AUTS2: variants seen among roughly 807,000 people sequenced by gnomAD.
AUTS2 encodes autism susceptibility gene 2 protein.
Under a neutral mutation model 112.4 loss-of-function variants are expected in AUTS2, and 17 were observed. The observed-to-expected ratio is 0.15, with a 90% CI of 0.10 to 0.23. The LOEUF (loss-of-function observed/expected upper bound fraction) is 0.23. Ranked by LOEUF, AUTS2 falls within the 10% of genes least tolerant of loss-of-function variation. The pLI, the probability that AUTS2 is intolerant of heterozygous loss-of-function variation, is 1.00. For synonymous variants in AUTS2, 751 were observed against 702.7 expected (o/e 1.07, Z -1.09); for missense variants, 1,510 against 1,701.6 (o/e 0.89, Z 1.98).
chr7:70,689,021 TAAC>T (rs1808610678), intron 5 of AUTS2, among the ~76,000 whole-genome samples: 1 of 152,176 alleles, frequency 6.6e-6, no homozygotes, highest in Admixed American at 6.5e-5. Context: ...CAGGCTTTTA[TAAC>T]ATTTTGCTGG....
intron 2 of AUTS2, among the ~76,000 whole-genome samples, chr7:69,968,538 C>T (rs1207926056): frequency 6.6e-6 from 1 of 152,148 alleles, no homozygotes; most frequent in East Asian, 1.9e-4. Context: ...AATGAGGTTT[C>T]CAGGAGAGGA....
intron 4 of AUTS2, among the ~76,000 whole-genome samples, chr7:70,368,670 A>G (rs2129629606): frequency 6.6e-6 from 1 of 152,350 alleles, no homozygotes; most frequent in Non-Finnish European, 1.5e-5. Context: ...GTCATCATAG[A>G]GCAGTCACAT....
intron 1 of AUTS2, among the ~76,000 whole-genome samples, chr7:69,731,207 G>C (rs149636622): frequency 1.3e-5 from 2 of 152,114 alleles, no homozygotes; most frequent in Non-Finnish European, 2.9e-5. Flanking sequence ...TAGAAGGATC[G>C]CTTGAGCCTG....
At chr7:69,915,003 C>T (rs1795516813) in intron 2 of AUTS2, among the ~76,000 whole-genome samples, 1 of 152,152 alleles carries the variant, frequency 6.6e-6, no homozygotes, top group African/African-American at 2.4e-5. Flanking sequence ...GAAACTCTGA[C>T]ATAACAGGGA....
At chr7:70,062,987 G>GC (rs1460492857) in intron 2 of AUTS2, among the ~76,000 whole-genome samples, 1 of 152,178 alleles carries the variant, frequency 6.6e-6, no homozygotes, top group Non-Finnish European at 1.5e-5. Context: ...AAGGCCAGGT[G>GC]CTTTTGCATG....
intron 1 of AUTS2, among the ~76,000 whole-genome samples, chr7:69,798,611 T>C (rs1482482892): frequency 1.3e-5 from 2 of 152,150 alleles, no homozygotes; most frequent in Admixed American, 6.5e-5. Flanking sequence ...AAGTTAAAAA[T>C]GTGGAGAAAA....
At chr7:70,500,184 A>C (rs1798716553) in intron 5 of AUTS2, among the ~76,000 whole-genome samples, 2 of 151,836 alleles carry the variant, frequency 1.3e-5, no homozygotes, top group African/African-American at 4.8e-5. Flanking sequence ...AAAAAAAAAA[A>C]AAACAAAACA....
chr7:70,490,245 T>C (rs1798179127), intron 5 of AUTS2, among the ~76,000 whole-genome samples: 1 of 151,736 alleles, frequency 6.6e-6, no homozygotes, highest in African/African-American at 2.4e-5. Flanking sequence ...TTGAAAAGAT[T>C]AACAAAATTG....
At chr7:70,479,938 AT>A (rs1399899724) in intron 5 of AUTS2, among the ~76,000 whole-genome samples, 2 of 152,168 alleles carry the variant, frequency 1.3e-5, no homozygotes, top group Non-Finnish European at 2.9e-5. Flanking sequence ...AATAGCTTAC[AT>A]TTTTTTAGGT....
At chr7:70,088,359 C>G (rs550950906) in intron 2 of AUTS2, among the ~76,000 whole-genome samples, 1 of 151,938 alleles carries the variant, frequency 6.6e-6, no homozygotes, top group South Asian at 2.1e-4. Flanking sequence ...GATTTCCTGA[C>G]CTCGTGATCT....
At chr7:70,527,921 G>A (rs1799911302) in intron 5 of AUTS2, among the ~76,000 whole-genome samples, 1 of 152,132 alleles carries the variant, frequency 6.6e-6, no homozygotes, top group Non-Finnish European at 1.5e-5. Context: ...TTGGGGCCTG[G>A]AGTTTAGTTT....
In AUTS2 at chr7:70,763,937, T is replaced by C. The variant is rs111664945; in HGVS notation, c.1214+596T>C. On this transcript the variant is annotated intron_variant, in intron 7 of 18. Transcript: ENST00000342771. ...ATGGAAATCCAGGCTCTCTCCTCTG[T>C]CTTGTTTTTGCCAAGTTACAAAGAA... Among the ~76,000 whole-genome samples the C allele has an allele frequency of 2.3e-3, 346 of 152,290 alleles. 2 individuals are homozygous for C. The highest frequency in any genetic ancestry group is 7.7e-3 in the South Asian group (37 of 4,814).
intron 6 of AUTS2, among the ~76,000 whole-genome samples, chr7:70,726,021 C>CAA (rs1279513351): frequency 1.1e-4 from 11 of 100,686 alleles, no homozygotes; most frequent in East Asian, 3.0e-4. Flanking sequence ...GACTCCATTT[C>CAA]AAAAAAAAAA....
rs190506972 is a variant in AUTS2 at position 70,051,692 on chromosome 7, C to G, written c.523-66440C>G. Reference sequence around the variant, plus strand: ...TGAGATCACACCACTGCACTTCATCCTGGGCAACAAGAACAAAACTCCATC... The same window carrying G: ...TGAGATCACACCACTGCACTTCATCGTGGGCAACAAGAACAAAACTCCATC... On this transcript the variant is annotated intron_variant, in intron 2 of 18. Coordinates refer to ENST00000342771, the MANE Select transcript of AUTS2 (RefSeq NM_015570.4). 8.6e-3 allele frequency among the ~76,000 whole-genome samples: 1,313 copies of G among 152,220 alleles called. 11 individuals carry two copies. Among genetic ancestry groups the G allele is most frequent in the Middle Eastern group, 0.02 (6 of 294 alleles).
chr7:70,442,561 G>A (rs779397799), intron 5 of AUTS2, among the ~76,000 whole-genome samples: 3 of 152,136 alleles, frequency 2.0e-5, no homozygotes, highest in African/African-American at 7.2e-5. Flanking sequence ...CGCAGTCTCG[G>A]TTCACTGAAC....
Position 69,876,807 on chromosome 7 carries a change from C to A in AUTS2, c.310-22479C>A, listed in dbSNP as rs539724908. 5.3e-5 allele frequency among the ~76,000 whole-genome samples: 8 copies of A among 152,016 alleles called. No homozygotes were observed. In the South Asian group the frequency reaches 1.7e-3, roughly 32 times the overall value. Reference sequence around the variant, plus strand: ...AGGACTGTGGCAACTTTGAACTTCCCTAATGAGAAAAACATGTGTTGGTGA... The same window carrying A: ...AGGACTGTGGCAACTTTGAACTTCCATAATGAGAAAAACATGTGTTGGTGA... On this transcript the variant is annotated intron_variant, in intron 1 of 18. Transcript: ENST00000342771.
chr7:69,723,531 T>C (rs1799075040), intron 1 of AUTS2, among the ~76,000 whole-genome samples: 1 of 152,170 alleles, frequency 6.6e-6, no homozygotes, highest in Non-Finnish European at 1.5e-5. Flanking sequence ...TACAGGAAGA[T>C]ACTGTATCTT....
At chr7:70,451,941 T>A (rs1422381027) in intron 5 of AUTS2, among the ~76,000 whole-genome samples, 2 of 152,138 alleles carry the variant, frequency 1.3e-5, no homozygotes, top group Non-Finnish European at 2.9e-5. Flanking sequence ...GAGGTCTGGT[T>A]CTGAGGGGCT....
chr7:70,616,158 G>C (rs1245746732), intron 5 of AUTS2, among the ~76,000 whole-genome samples: 1 of 152,228 alleles, frequency 6.6e-6, no homozygotes, highest in Non-Finnish European at 1.5e-5. Context: ...TATTCTGTTA[G>C]TGAGTTCACT....
Sources: allele counts gnomAD v4.1 joint callset (sites outside exome capture counted in the v4.1 genomes callset), GRCh38; gene constraint gnomAD v4.1.1; transcripts MANE v1.5; gene names NCBI Gene and HGNC (gene_info 2026-07-23, HGNC 2026-07-21).